The following SIPA1L2 variants were observed in gnomAD, a reference collection of about 807,000 sequenced individuals.
SIPA1L2 encodes signal-induced proliferation-associated 1-like protein 2.
Under a neutral mutation model 163.9 loss-of-function variants are expected in SIPA1L2, and 56 were observed. That is an observed-to-expected ratio of 0.34 (90% CI 0.28 to 0.43). The LOEUF (loss-of-function observed/expected upper bound fraction) is 0.43, where lower values mean the gene tolerates loss of function less well. Among genes scored for constraint, SIPA1L2 ranks in the 20% least tolerant of loss-of-function variants. The pLI is 1.00. For missense variants in SIPA1L2, 1,974 were observed against 2,193.5 expected, an observed-to-expected ratio of 0.90 and a Z score of 2.00; for synonymous variants, 877 against 865.7, an observed-to-expected ratio of 1.01 and a Z score of -0.23.
intron 1 of SIPA1L2, among the ~76,000 whole-genome samples, chr1:232,581,941 T>C (rs1270586467): frequency 6.6e-6 from 1 of 152,228 alleles, no homozygotes; most frequent in Non-Finnish European, 1.5e-5. Context: ...TCCTCTCTAC[T>C]ACTCACTTAG....
intron 2 of SIPA1L2, among the ~76,000 whole-genome samples, chr1:232,545,679 A>G (rs940923859): frequency 1.7e-4 from 26 of 152,342 alleles, no homozygotes; most frequent in African/African-American, 6.0e-4. Context: ...ACTTTTCTCA[A>G]CCATTATTAA....
chr1:232,412,347 T>C (rs1661007332), intron 19 of SIPA1L2, among the ~76,000 whole-genome samples: 1 of 152,194 alleles, frequency 6.6e-6, no homozygotes, highest in Admixed American at 6.5e-5. Flanking sequence ...TATTTTCAGA[T>C]ATACTAACTG....
At chr1:232,411,136 T>A (rs1660931932) in intron 19 of SIPA1L2, among the ~76,000 whole-genome samples, 1 of 152,192 alleles carries the variant, frequency 6.6e-6, no homozygotes, top group South Asian at 2.1e-4. Flanking sequence ...TTTGACAGGT[T>A]TCCTTCTGCC....
At chr1:232,455,388 G>C (rs1337241195) in intron 10 of SIPA1L2, among the ~76,000 whole-genome samples, 1 of 152,144 alleles carries the variant, frequency 6.6e-6, no homozygotes. Context: ...TCTGGATAAA[G>C]AAAATGTGGT....
intron 3 of SIPA1L2, among the ~76,000 whole-genome samples, chr1:232,496,453 T>C (rs2103006907): frequency 6.6e-6 from 1 of 152,070 alleles, no homozygotes; most frequent in Admixed American, 6.6e-5. Context: ...GGCTGTATTG[T>C]GTACTGATAA....
intron 2 of SIPA1L2, among the ~76,000 whole-genome samples, chr1:232,571,256 C>CT (rs929360600): frequency 6.6e-6 from 1 of 152,090 alleles, no homozygotes; most frequent in Non-Finnish European, 1.5e-5. Flanking sequence ...CGATAAAACA[C>CT]TTTTTTTAAC....
At chr1:232,524,988 T>TA (rs1421162083) in intron 2 of SIPA1L2, among the ~76,000 whole-genome samples, 2 of 152,148 alleles carry the variant, frequency 1.3e-5, no homozygotes, top group African/African-American at 4.8e-5. Context: ...AGATCCTTCA[T>TA]AAAACCAATG....
chr1:232,605,473 T>G (rs868115234), intron 1 of SIPA1L2, among the ~76,000 whole-genome samples: 26 of 152,296 alleles, frequency 1.7e-4, no homozygotes, highest in Non-Finnish European at 2.4e-4. Flanking sequence ...AACGGATGGA[T>G]CACCTGCGGT....
At chr1:232,491,138 C>CT in intron 4 of SIPA1L2, 76 bp from the exon 5 acceptor site, 1 of 1,315,816 alleles carries the variant, frequency 7.6e-7, no homozygotes. Context: ...GTTTGGCTGC[C>CT]TTAAGACAGG....
At chr1:232,586,373 A>G (rs993813152) in intron 1 of SIPA1L2, among the ~76,000 whole-genome samples, 1 of 152,184 alleles carries the variant, frequency 6.6e-6, no homozygotes, top group African/African-American at 2.4e-5. Context: ...TTTTATCTAG[A>G]CAAGTTCATC....
chr1:232,519,061 A>G (rs573823342), intron 2 of SIPA1L2, among the ~76,000 whole-genome samples: 5 of 152,294 alleles, frequency 3.3e-5, no homozygotes, highest in Admixed American at 2.0e-4. Flanking sequence ...ACTTTGCAGG[A>G]CACTGTTTGC....
At chr1:232,628,545 A>T (rs535513966) in intron 1 of SIPA1L2, among the ~76,000 whole-genome samples, 5 of 152,356 alleles carry the variant, frequency 3.3e-5, no homozygotes, top group Admixed American at 2.0e-4. Context: ...TAAATGATGT[A>T]ACTAAATACA....
intron 1 of SIPA1L2, among the ~76,000 whole-genome samples, chr1:232,592,757 A>C (rs909454944): frequency 2.6e-5 from 4 of 152,152 alleles, no homozygotes; most frequent in Non-Finnish European, 5.9e-5. Context: ...TATAAAATTA[A>C]AATGAGCACT....
intron 9 of SIPA1L2, among the ~76,000 whole-genome samples, chr1:232,464,632 T>C (rs1664411579): frequency 6.6e-6 from 1 of 152,218 alleles, no homozygotes; most frequent in Non-Finnish European, 1.5e-5. Flanking sequence ...TCTTTTCCAA[T>C]TGATTTATGA....
intron 15 of SIPA1L2, 151 bp downstream of exon 15, chr1:232,438,957 C>T: frequency 1.5e-6 from 1 of 683,834 alleles, no homozygotes; most frequent in South Asian, 3.0e-5. Flanking sequence ...ATTGTAGAAA[C>T]AAGCCCTTCC....
At chr1:232,533,020 T>C (rs1473146845) in intron 2 of SIPA1L2, among the ~76,000 whole-genome samples, 1 of 152,082 alleles carries the variant, frequency 6.6e-6, no homozygotes, top group African/African-American at 2.4e-5. Flanking sequence ...ATTTTGAAAA[T>C]GAGATTCTAG....
intron 2 of SIPA1L2, among the ~76,000 whole-genome samples, chr1:232,528,261 A>C (rs958634821): frequency 6.6e-6 from 1 of 151,900 alleles, no homozygotes; most frequent in Non-Finnish European, 1.5e-5. Flanking sequence ...AGAGACAAGA[A>C]AGAGACACTT....
At chr1:232,489,440 A>G (rs1295525642) in intron 5 of SIPA1L2, among the ~76,000 whole-genome samples, 1 of 151,968 alleles carries the variant, frequency 6.6e-6, no homozygotes, top group Non-Finnish European at 1.5e-5. Flanking sequence ...CATAATGGTA[A>G]ACCTATTCTG....
intron 6 of SIPA1L2, 56 bp downstream of exon 6, chr1:232,483,736 A>C: frequency 6.3e-7 from 1 of 1,592,436 alleles, no homozygotes; most frequent in Non-Finnish European, 8.6e-7. Context: ...GGATTTATGA[A>C]GCATGCCTAC....
Sources: allele counts gnomAD v4.1 joint callset (sites outside exome capture counted in the v4.1 genomes callset), GRCh38; gene constraint gnomAD v4.1.1; transcripts MANE v1.5; gene names NCBI Gene and HGNC (gene_info 2026-07-23, HGNC 2026-07-21).